The following ATP6V1E2 variants were observed in gnomAD, a reference collection of about 807,000 sequenced individuals.
ATP6V1E2 encodes the protein V-type proton ATPase subunit E 2.
For missense variants in ATP6V1E2, 308 were observed against 273.3 expected (o/e 1.13, Z -0.90); for synonymous variants, 121 against 104.2 (o/e 1.16, Z -0.98).
intron 4 of ATP6V1E2, among the ~76,000 whole-genome samples, chr2:46,521,371 C>T (rs891958813): frequency 3.9e-5 from 6 of 152,178 alleles, no homozygotes; most frequent in African/African-American, 1.4e-4. Flanking sequence ...TGTCTGTCAA[C>T]CTGGAGCCCT....
intron 4 of ATP6V1E2, among the ~76,000 whole-genome samples, chr2:46,528,522 A>G (rs1667034893): frequency 6.6e-6 from 1 of 152,222 alleles, no homozygotes; most frequent in Non-Finnish European, 1.5e-5. Context: ...ACATCACAGG[A>G]TGGTGACTCC....
chr2:46,526,076 C>T (rs1666904742), intron 4 of ATP6V1E2, among the ~76,000 whole-genome samples: 1 of 152,130 alleles, frequency 6.6e-6, no homozygotes, highest in Non-Finnish European at 1.5e-5. Context: ...ATGTACATAA[C>T]AAATTTTGCC....
chr2:46,522,931 A>G (rs1226041510), intron 4 of ATP6V1E2, among the ~76,000 whole-genome samples: 1 of 152,146 alleles, frequency 6.6e-6, no homozygotes, highest in Non-Finnish European at 1.5e-5. Context: ...AATAATTGCG[A>G]TTCTGACTGG....
In ATP6V1E2 at chr2:46,512,279, C is replaced by A; in HGVS notation, c.433G>T (p.Glu145Ter). The A allele has an allele frequency of 6.2e-7, 1 of 1,611,916 alleles. No homozygotes were observed. Among genetic ancestry groups the A allele is most frequent in the Admixed American group, 1.7e-5 (1 of 59,846 alleles). The change falls in exon 5 of 5, where the codon GAG becomes TAG. Residue 145 changes from glutamate (E) to a stop codon, truncating the protein, a stop_gained. Coordinates refer to ENST00000522587, the MANE Select transcript of ATP6V1E2 (RefSeq NM_001318063.2). LOFTEE classifies it low-confidence loss of function (END_TRUNC). ...RCRPQDLLLV[E>*]AAVQKAIPEY... The stretch of plus-strand genomic sequence containing the variant: ...GGGATGGCTTTTTGTACAGCAGCCT[C>A]CACCAGGAGGAGGTCTTGTGGCCGG...
chr2:46,513,654 T>C (rs1687580654), intron 4 of ATP6V1E2, among the ~76,000 whole-genome samples: 1 of 151,838 alleles, frequency 6.6e-6, no homozygotes, highest in Non-Finnish European at 1.5e-5. Flanking sequence ...TGAAACCCCG[T>C]CTCTACTAAA....
rs1330711837 is a variant in ATP6V1E2, at chr2:46,519,767, T to C, written c.-101-6955A>G. On this transcript the variant is annotated intron_variant, in intron 4 of 4. Transcript: ENST00000522587. ...TCATGTCTGGTAGTTATTATTATCATCATGACCACTACTACTATTATTGTC... is the reference window on the plus strand; with the variant it reads ...TCATGTCTGGTAGTTATTATTATCACCATGACCACTACTACTATTATTGTC... The C allele has an allele frequency of 4.6e-5, 7 of 152,374 alleles. 1 individual carries two copies. In the East Asian group the frequency reaches 1.3e-3, roughly 29 times the overall value. The allele number at this position is 152,374 out of a possible 1,614,324, so 9.4% of individuals were successfully genotyped here.
chr2:46,523,327 T>C (rs568617014), intron 4 of ATP6V1E2, among the ~76,000 whole-genome samples: 19 of 152,352 alleles, frequency 1.2e-4, no homozygotes, highest in African/African-American at 4.6e-4. Context: ...ATGTCCTAAA[T>C]TGTATTGCCT....
chr2:46,522,220 G>T (rs1024446342), intron 4 of ATP6V1E2, among the ~76,000 whole-genome samples: 4 of 150,522 alleles, frequency 2.7e-5, no homozygotes, highest in Non-Finnish European at 5.9e-5. Context: ...AGAGGTCGAG[G>T]TTGCAGTGAA....
rs774923437 is a variant in ATP6V1E2, at chr2:46,512,754, G to A, written c.-43C>T. The A allele has an allele frequency of 1.0e-5, 16 of 1,535,090 alleles. No homozygotes were observed. The highest frequency in any genetic ancestry group is 3.9e-5 in the Admixed American group (2 of 51,216). On this transcript the variant is annotated 5_prime_UTR_variant, in exon 5 of 5. The change creates a new upstream start codon in the 5' untranslated region. Transcript: ENST00000522587. ...ACGGCAGAGAGGGAGCTCGTACACC[G>A]TTTGGCTCCTTTGACTTAGGACAAT...
intron 2 of ATP6V1E2, among the ~76,000 whole-genome samples, chr2:46,539,732 T>G (rs1336095290): frequency 2.6e-5 from 4 of 152,266 alleles, no homozygotes; most frequent in African/African-American, 9.6e-5. Flanking sequence ...GTGCTGTTCC[T>G]TCTTGCTTTG....
At chr2:46,525,107 G>A (rs2103880111) in intron 4 of ATP6V1E2, among the ~76,000 whole-genome samples, 2 of 152,286 alleles carry the variant, frequency 1.3e-5, no homozygotes, top group Admixed American at 1.3e-4. Flanking sequence ...CAAGCTGTTG[G>A]GTGTCAGGTC....
intron 4 of ATP6V1E2, among the ~76,000 whole-genome samples, chr2:46,529,981 G>T (rs116022724): frequency 1.6e-3 from 243 of 152,134 alleles, no homozygotes; most frequent in African/African-American, 5.5e-3. Flanking sequence ...AAATGTTTTC[G>T]AACCAGAAAG....
rs544559107 is a variant in ATP6V1E2 at position 46,538,162 on chromosome 2, A to G, written c.-309-1459T>C. Among the ~76,000 whole-genome samples, 24 of 152,038 alleles carry G rather than the reference A, an allele frequency of 1.6e-4. 1 individual carries two copies. Among genetic ancestry groups the G allele is most frequent in the Non-Finnish European group, 3.2e-4 (22 of 67,998 alleles). Reference sequence around the variant, plus strand: ...ATGTTCACTGCCATGCTTGGGTCAGACTGTTGTGATCTGTCTCCTCCTGGC... The same window carrying G: ...ATGTTCACTGCCATGCTTGGGTCAGGCTGTTGTGATCTGTCTCCTCCTGGC... On this transcript the variant is annotated intron_variant, in intron 2 of 4. Coordinates refer to ENST00000522587, the MANE Select transcript of ATP6V1E2 (RefSeq NM_001318063.2).
chr2:46,522,374 C>G (rs936885556), intron 4 of ATP6V1E2, among the ~76,000 whole-genome samples: 1 of 151,976 alleles, frequency 6.6e-6, no homozygotes, highest in Non-Finnish European at 1.5e-5. Flanking sequence ...ATTGACCCAT[C>G]CTGTAAGTTT....
intron 4 of ATP6V1E2, chr2:46,534,310 T>C (rs1424614947): frequency 6.6e-6 from 1 of 152,254 alleles, no homozygotes; most frequent in Non-Finnish European, 1.5e-5. Flanking sequence ...CATTCCACAA[T>C]GTCTAACCTA....
At chr2:46,519,067 A>C (rs906556560) in intron 4 of ATP6V1E2, 1 of 152,202 alleles carries the variant, frequency 6.6e-6, no homozygotes, top group South Asian at 2.1e-4. Context: ...TGACCCTTGC[A>C]GTCTGACCAG....
intron 4 of ATP6V1E2, among the ~76,000 whole-genome samples, chr2:46,516,685 T>C (rs142285625): frequency 9.2e-5 from 14 of 151,988 alleles, no homozygotes; most frequent in African/African-American, 3.1e-4. Flanking sequence ...CCTAAACTTA[T>C]GAGATGCAGC....
intron 4 of ATP6V1E2, chr2:46,519,610 A>C (rs1666501105): frequency 6.6e-6 from 1 of 152,302 alleles, no homozygotes; most frequent in African/African-American, 2.4e-5. Flanking sequence ...ACTTTGGCAA[A>C]GCAGTATACC....
rs1334162147 is a variant in ATP6V1E2 at position 46,535,214 on chromosome 2, A to G, written c.-102+599T>C. On this transcript the variant is annotated intron_variant, in intron 4 of 4. Transcript: ENST00000522587. This position sits in a 1 kb window ranked among gnomAD's most constrained non-coding sequence, Gnocchi z 4.4. The stretch of plus-strand genomic sequence containing the variant: ...TTCAATGTCTGAAAAGAGAGGTTTC[A>G]TATATTCTGTTCAATTTTAAAGTTG... The G allele has an allele frequency of 2.0e-5, 3 of 152,208 alleles. No homozygotes were observed. Among genetic ancestry groups the G allele is most frequent in the Admixed American group, 2.0e-4 (3 of 15,282 alleles). 9.4% of individuals were successfully genotyped at this position (152,208 alleles called of 1,614,324 possible). A position where few individuals can be genotyped will look rare whatever the true frequency, so the allele number is the denominator to read the frequency against.
Sources: allele counts gnomAD v4.1 joint callset (sites outside exome capture counted in the v4.1 genomes callset), GRCh38; gene constraint gnomAD v4.1.1; non-coding constraint Gnocchi (gnomAD v3.1); transcripts MANE v1.5; gene names NCBI Gene and HGNC (gene_info 2026-07-23, HGNC 2026-07-21).